The following TSNARE1 variants were observed in gnomAD, a reference collection of about 807,000 sequenced individuals.
The protein encoded by TSNARE1 is t-SNARE domain-containing protein 1.
Under a neutral mutation model 62.0 loss-of-function variants are expected in TSNARE1, and 49 were observed. The observed-to-expected ratio is 0.79, with a 90% CI of 0.63 to 1.00. TSNARE1 has a LOEUF of 1.00. Among genes scored for constraint, TSNARE1 ranks in the 50% least tolerant of loss-of-function variants. The pLI, the probability that TSNARE1 is intolerant of heterozygous loss-of-function variation, is 0.00. For synonymous variants in TSNARE1, 328 were observed against 294.4 expected, an observed-to-expected ratio of 1.11 and a Z score of -1.17; for missense variants, 755 against 700.1, an observed-to-expected ratio of 1.08 and a Z score of -0.88.
intron 11 of TSNARE1, chr8:142,278,212 G>C: frequency 1.0e-6 from 1 of 985,396 alleles, no homozygotes; most frequent in Non-Finnish European, 1.2e-6. Flanking sequence ...CAGCCACAGG[G>C]TTGGCTGGGT....
intron 1 of TSNARE1, among the ~76,000 whole-genome samples, chr8:142,390,250 G>A (rs1266184843): frequency 1.3e-5 from 2 of 150,162 alleles, no homozygotes; most frequent in African/African-American, 4.9e-5. Context: ...TATAACAGAC[G>A]CTGTACACTG....
Position 142,354,661 on chromosome 8 carries a change from A to G in TSNARE1, c.64T>C (p.Ser22Pro), listed in dbSNP as rs1554672095. 28 of 1,613,048 alleles carry G rather than the reference A, an allele frequency of 1.7e-5. No individual in the cohort carries two copies. Among genetic ancestry groups the G allele is most frequent in the Non-Finnish European group, 2.4e-5 (28 of 1,179,640 alleles). The part of the protein sequence containing the change: ...LGSRGPFGGP[S>P]RQGCQPLECA... ...CCTAGGGGCTGACAGCCTTGTCTCG[A>G]AGGTCCCCCGAAAGGGCCACGGCTC... Residue 22 changes from serine to proline, a missense_variant, in exon 2 of 14, where the codon TCG becomes CCG. Transcript: ENST00000524325.
chr8:142,289,694 G>A (rs1447596034), intron 10 of TSNARE1, among the ~76,000 whole-genome samples: 1 of 152,232 alleles, frequency 6.6e-6, no homozygotes, highest in African/African-American at 2.4e-5. Context: ...GGAGCTTCCT[G>A]AAGGGAGCAG....
chr8:142,251,699 C>A (rs1818171323), intron 12 of TSNARE1, among the ~76,000 whole-genome samples: 1 of 151,884 alleles, frequency 6.6e-6, no homozygotes, highest in Admixed American at 6.6e-5. Flanking sequence ...CCCGCGTTCT[C>A]TATCTGCAGG....
At position 142,300,640 on chromosome 8, in the gene TSNARE1, G is replaced by T. The variant is rs145190214; in HGVS notation, c.1136C>A (p.Pro379His). The T allele has an allele frequency of 1.2e-5, 19 of 1,612,682 alleles. No homozygotes were observed. Among genetic ancestry groups the T allele is most frequent in the Admixed American group, 8.3e-5 (5 of 59,960 alleles). The change falls in exon 10 of 14, where the codon CCC becomes CAC. Residue 379 changes from proline to histidine, a missense_variant. By Grantham distance (77) the Pro-to-His change is moderately conservative. Coordinates refer to ENST00000524325, the MANE Select transcript of TSNARE1 (RefSeq NM_145003.5). Reference sequence around the variant, plus strand: ...AGCCAGCTCGGCAAACGGGGCCTGGGGACTCTGCTGATGACAGACAGATCT... The same window carrying T: ...AGCCAGCTCGGCAAACGGGGCCTGGTGACTCTGCTGATGACAGACAGATCT... ...PMAQRGSKQS[P>H]QAPFAELADD...
Position 142,274,927 on chromosome 8 carries a change from A to AC in TSNARE1, c.1364-65dup, listed in dbSNP as rs534954101. ...GCCCAGCCGCCCCCGCCCTGAGGAC[A>AC]CCCCCCAAAGGCAAGCCCAGGGAGC... On this transcript the variant is annotated intron_variant, in intron 11 of 13. Transcript: ENST00000524325. 2.5e-3 allele frequency: 3,569 copies of AC among 1,429,478 alleles called. 6 individuals carry two copies. Among genetic ancestry groups the AC allele is most frequent in the Non-Finnish European group, 3.1e-3 (3,326 of 1,083,536 alleles). The allele number at this position is 1,429,478 out of a possible 1,614,324, so 88.5% of individuals were successfully genotyped here. A position where few individuals can be genotyped will look rare whatever the true frequency, so the allele number is the denominator to read the frequency against.
chr8:142,395,156 G>C (rs1046958457), intron 1 of TSNARE1, among the ~76,000 whole-genome samples: 2 of 152,068 alleles, frequency 1.3e-5, no homozygotes, highest in African/African-American at 2.4e-5. Flanking sequence ...TGGTTATCTT[G>C]TGCCCACTGT....
At position 142,330,921 on chromosome 8, in the gene TSNARE1, C is replaced by G; in HGVS notation, c.873G>C (p.Thr291=). 1 of 1,614,116 alleles carries G rather than the reference C, an allele frequency of 6.2e-7. No homozygotes were observed. ...CTCACAGGCTGTCCCGAAGCTCCTGCGTGTCACTCGGTGTCCCTAAGGACT... is the reference window on the plus strand; with the variant it reads ...CTCACAGGCTGTCCCGAAGCTCCTGGGTGTCACTCGGTGTCCCTAAGGACT... ...SLQSLGTPSD[T]QELRDSLHTA... Residue 291 remains threonine (T), a synonymous_variant, in exon 6 of 14, where the codon ACG becomes ACC. Coordinates refer to ENST00000524325, the MANE Select transcript of TSNARE1 (RefSeq NM_145003.5).
At chr8:142,274,432 A>AT (rs1325205370) in intron 12 of TSNARE1, 6 of 985,340 alleles carry the variant, frequency 6.1e-6, no homozygotes, top group Non-Finnish European at 7.2e-6. Flanking sequence ...CCGCCCCAGT[A>AT]TGGACACTGA....
intron 12 of TSNARE1, chr8:142,269,680 C>T (rs1356324254): frequency 6.1e-6 from 6 of 985,208 alleles, no homozygotes; most frequent in Non-Finnish European, 7.2e-6. Context: ...TCTACAGAGG[C>T]TTCCTGGAGG....
intron 12 of TSNARE1, chr8:142,273,727 T>C: frequency 1.0e-6 from 1 of 985,402 alleles, no homozygotes; most frequent in Non-Finnish European, 1.2e-6. Flanking sequence ...TGGGTCCCAC[T>C]GGGGAAGCTC....
intron 13 of TSNARE1, among the ~76,000 whole-genome samples, chr8:142,215,154 T>C (rs538671885): frequency 1.3e-5 from 2 of 152,314 alleles, no homozygotes; most frequent in South Asian, 4.1e-4. Flanking sequence ...GAATGCGTAT[T>C]GATCGAGTGA....
At chr8:142,314,962 A>AC (rs1321868440) in intron 8 of TSNARE1, 41 bp downstream of exon 8, 4 of 1,599,794 alleles carry the variant, frequency 2.5e-6, no homozygotes, top group Non-Finnish European at 3.4e-6. Flanking sequence ...GGCCGACCCC[A>AC]CCTGGCCTGC....
At chr8:142,332,382 G>A (rs930278212) in intron 4 of TSNARE1, among the ~76,000 whole-genome samples, 2 of 152,204 alleles carry the variant, frequency 1.3e-5, no homozygotes, top group Admixed American at 6.5e-5. Flanking sequence ...TCCTAGGACA[G>A]AGCCAGGGCA....
chr8:142,280,170 C>T, intron 11 of TSNARE1: 1 of 985,442 alleles, frequency 1.0e-6, no homozygotes, highest in Non-Finnish European at 1.2e-6. Flanking sequence ...GCACCTCCGT[C>T]TCCTGGGGGC....
chr8:142,225,787 T>G (rs1430357557), intron 13 of TSNARE1, among the ~76,000 whole-genome samples: 1 of 152,248 alleles, frequency 6.6e-6, no homozygotes, highest in Non-Finnish European at 1.5e-5. Flanking sequence ...TTCCTATGGC[T>G]GCTACAACCA....
At chr8:142,238,100 T>A (rs1206167813) in intron 12 of TSNARE1, among the ~76,000 whole-genome samples, 1 of 152,100 alleles carries the variant, frequency 6.6e-6, no homozygotes, top group Non-Finnish European at 1.5e-5. Context: ...TCCTGGTGAC[T>A]GCGTTACCCG....
At chr8:142,356,876 G>A (rs1355624134) in intron 1 of TSNARE1, among the ~76,000 whole-genome samples, 1 of 152,048 alleles carries the variant, frequency 6.6e-6, no homozygotes, top group Non-Finnish European at 1.5e-5. Flanking sequence ...TCTCTGTACT[G>A]CCCTCAAAGG....
chr8:142,327,488 C>T (rs1436598028), intron 6 of TSNARE1, among the ~76,000 whole-genome samples: 1 of 152,208 alleles, frequency 6.6e-6, no homozygotes, highest in Non-Finnish European at 1.5e-5. Flanking sequence ...CAATTCTGCA[C>T]CAGCTGGCAA....
Sources: allele counts gnomAD v4.1 joint callset (sites outside exome capture counted in the v4.1 genomes callset), GRCh38; gene constraint gnomAD v4.1.1; transcripts MANE v1.5; gene names NCBI Gene and HGNC (gene_info 2026-07-23, HGNC 2026-07-21).